TM7SF3: variants seen among roughly 807,000 people sequenced by gnomAD.
TM7SF3 encodes seven span transmembrane protein.
TM7SF3 carries 60 observed loss-of-function variants against 65.5 expected under a neutral mutation model. That is an observed-to-expected ratio of 0.92 (90% confidence interval 0.74 to 1.14). The LOEUF (loss-of-function observed/expected upper bound fraction) is 1.14. TM7SF3 is among the 50% of genes most tolerant of loss of function. The probability of loss-of-function intolerance (pLI) is 0.00; values close to 1 mark genes in which losing one functional copy is unlikely to be tolerated. For synonymous variants in TM7SF3, 264 were observed against 259.6 expected, an observed-to-expected ratio of 1.02 and a Z score of -0.16; for missense variants, 623 against 684.8, an observed-to-expected ratio of 0.91 and a Z score of 1.01.
At chr12:26,984,914 A>G (rs1939976642) in intron 6 of TM7SF3, among the ~76,000 whole-genome samples, 1 of 152,194 alleles carries the variant, frequency 6.6e-6, no homozygotes, top group Non-Finnish European at 1.5e-5. Flanking sequence ...AGGGTTATGA[A>G]CCACAGGGCA....
intron 1 of TM7SF3, among the ~76,000 whole-genome samples, chr12:27,010,969 C>CAACCAAAT (rs1168859657): frequency 6.6e-6 from 1 of 152,192 alleles, no homozygotes; most frequent in Non-Finnish European, 1.5e-5. Flanking sequence ...TTTACTTCTA[C>CAACCAAAT]TGTTTGTGTT....
At chr12:26,996,205 T>C (rs1316823777) in intron 4 of TM7SF3, among the ~76,000 whole-genome samples, 1 of 151,416 alleles carries the variant, frequency 6.6e-6, no homozygotes, top group Non-Finnish European at 1.5e-5. Flanking sequence ...TGTTAGCAAG[T>C]AGGGTAACCT....
At chr12:26,984,999 A>G (rs1443602894) in intron 6 of TM7SF3, among the ~76,000 whole-genome samples, 3 of 152,204 alleles carry the variant, frequency 2.0e-5, no homozygotes. Context: ...ATACTCATCA[A>G]TCTTGAAAAT....
At chr12:27,007,725 T>C (rs1024030648) in intron 1 of TM7SF3, among the ~76,000 whole-genome samples, 3 of 152,100 alleles carry the variant, frequency 2.0e-5, no homozygotes, top group Non-Finnish European at 4.4e-5. Flanking sequence ...GTGGTCCCCC[T>C]GTGGCCCCTC....
At chr12:26,994,816 C>T (rs1285503017) in intron 5 of TM7SF3, among the ~76,000 whole-genome samples, 1 of 152,234 alleles carries the variant, frequency 6.6e-6, no homozygotes, top group African/African-American at 2.4e-5. Context: ...AAGAATTTTA[C>T]TCCAAGTTAG....
chr12:26,990,615 T>C lies in TM7SF3; in HGVS notation c.703A>G (p.Thr235Ala), dbSNP rs760833147. 9.3e-6 allele frequency: 15 copies of C among 1,613,306 alleles called. No individual in the cohort carries two copies. In the African/African-American group the frequency reaches 2.0e-4, roughly 22 times the overall value. ...GAAACACTTGTCTTATCATTAGCTG[T>C]TAGGGTAACCACCTGAAGCCAAAAA... is the stretch of plus-strand genomic sequence containing the variant. ...KASALKVVTL[T>A]ANDKTSVSFS... Residue 235 changes from threonine to alanine, a missense_variant, in exon 6 of 12, where the codon ACA becomes GCA. Thr to Ala is a moderately conservative substitution (Grantham distance 58, BLOSUM62 0). Transcript: ENST00000343028.
At chr12:26,975,891 T>A in intron 10 of TM7SF3, 2 of 540,582 alleles carry the variant, frequency 3.7e-6, no homozygotes, top group South Asian at 5.2e-5. Context: ...ATGGAAAATA[T>A]CTTCCATATG....
At chr12:26,989,345 G>A (rs773050566) in intron 6 of TM7SF3, among the ~76,000 whole-genome samples, 3 of 152,166 alleles carry the variant, frequency 2.0e-5, no homozygotes, top group African/African-American at 7.2e-5. Flanking sequence ...GCTGAGGCAG[G>A]AGAATCACTT....
chr12:27,013,837 A>T (rs182329630), intron 1 of TM7SF3, among the ~76,000 whole-genome samples: 40 of 152,126 alleles, frequency 2.6e-4, no homozygotes, highest in African/African-American at 9.4e-4. Flanking sequence ...AAAAAAAGAG[A>T]ATTATTTATC....
rs5797207 is a variant in TM7SF3 at position 26,973,175 on chromosome 12, G to GT, written c.*789dup. 129,952 of 144,562 alleles carry GT rather than the reference G, an allele frequency of 0.9. 58,486 individuals are homozygous for GT. The highest frequency in any genetic ancestry group is 0.97 in the East Asian group (4,861 of 5,004). The allele number at this position is 144,562 out of a possible 1,614,324, so 9.0% of individuals were successfully genotyped here. On this transcript the variant is annotated 3_prime_UTR_variant, in exon 12 of 12. Coordinates refer to ENST00000343028, the MANE Select transcript of TM7SF3 (RefSeq NM_016551.3). ...CAGACTGCTTTTAGTAAGAAAATAA[G>GT]TTTTTTTTTTTTTTAATTTCTCGAG...
intron 2 of TM7SF3, among the ~76,000 whole-genome samples, chr12:27,001,093 T>C (rs1161654166): frequency 6.6e-6 from 1 of 151,878 alleles, no homozygotes; most frequent in African/African-American, 2.4e-5. Context: ...AAAGAGCCAA[T>C]TGCCATCACG....
At chr12:26,994,780 G>C (rs376460954) in intron 5 of TM7SF3, among the ~76,000 whole-genome samples, 1 of 152,248 alleles carries the variant, frequency 6.6e-6, no homozygotes, top group Non-Finnish European at 1.5e-5. Flanking sequence ...GGGAGCAAGG[G>C]TTTACATGGA....
chr12:27,000,084 A>G (rs1386954114), intron 2 of TM7SF3, among the ~76,000 whole-genome samples: 1 of 152,178 alleles, frequency 6.6e-6, no homozygotes, highest in Non-Finnish European at 1.5e-5. Flanking sequence ...GGCAAGAAAC[A>G]TATCTGGGGT....
chr12:26,997,008 C>T (rs781227842), intron 3 of TM7SF3, 146 bp from the exon 4 acceptor site: 1 of 975,462 alleles, frequency 1.0e-6, no homozygotes, highest in Non-Finnish European at 1.5e-6. Flanking sequence ...TATACTATTT[C>T]ATGAACTGAG....
chr12:27,005,858 T>C (rs904139133), intron 1 of TM7SF3, among the ~76,000 whole-genome samples: 2 of 152,044 alleles, frequency 1.3e-5, no homozygotes, highest in African/African-American at 4.8e-5. Flanking sequence ...TGGAGTGCAG[T>C]GGCGCAATCT....
At chr12:27,005,972 G>T (rs1374654714) in intron 1 of TM7SF3, among the ~76,000 whole-genome samples, 5 of 145,344 alleles carry the variant, frequency 3.4e-5, no homozygotes, top group African/African-American at 1.3e-4. Flanking sequence ...GCTAATTTTT[G>T]TATTTTTAGT....
At chr12:26,977,543 C>G (rs1218573842) in intron 9 of TM7SF3, among the ~76,000 whole-genome samples, 2 of 151,840 alleles carry the variant, frequency 1.3e-5, no homozygotes, top group Non-Finnish European at 2.9e-5. Flanking sequence ...CACTTGAGGT[C>G]AGGAGTTTGA....
At position 26,972,422 on chromosome 12, in the gene TM7SF3, T is replaced by C. The variant is rs1273123599; in HGVS notation, c.*1543A>G. 28 of 83,252 alleles carry C rather than the reference T, an allele frequency of 3.4e-4. No homozygotes were observed. The allele number at this position is 83,252 out of a possible 1,614,324, so 5.2% of individuals were successfully genotyped here. On this transcript the variant is annotated 3_prime_UTR_variant, in exon 12 of 12. Transcript: ENST00000343028. Reference sequence around the variant, plus strand: ...TTTCTTATTAATGGCAATACAGACTTTTTTTTTTTTTGAGACGGAGTCTCG... The same window carrying C: ...TTTCTTATTAATGGCAATACAGACTCTTTTTTTTTTTGAGACGGAGTCTCG...
At chr12:26,990,376 G>T (rs749188544) in intron 6 of TM7SF3, 74 bp downstream of exon 6, 1 of 1,123,752 alleles carries the variant, frequency 8.9e-7, no homozygotes, top group Non-Finnish European at 1.3e-6. Context: ...TGTGTTGAAT[G>T]AATGAGAACT....
Sources: allele counts gnomAD v4.1 joint callset (sites outside exome capture counted in the v4.1 genomes callset), GRCh38; gene constraint gnomAD v4.1.1; transcripts MANE v1.5; gene names NCBI Gene and HGNC (gene_info 2026-07-23, HGNC 2026-07-21).